The following MTUS1 variants were observed in gnomAD, a reference collection of about 807,000 sequenced individuals.
MTUS1 encodes microtubule-associated tumor suppressor 1.
MTUS1 carries 109 observed loss-of-function variants against 120.8 expected under a neutral mutation model. The ratio of observed to expected loss-of-function variants is 0.90; its 90% CI spans 0.77 to 1.06. MTUS1 has a LOEUF of 1.06. Among genes scored for constraint, MTUS1 ranks in the 50% least tolerant of loss-of-function variants. The pLI, the probability that MTUS1 is intolerant of heterozygous loss-of-function variation, is 0.00. For missense variants in MTUS1, 2,210 were observed against 1,486.3 expected (o/e 1.49, Z -8.01); for synonymous variants, 737 against 550.5 (o/e 1.34, Z -4.74).
intron 6 of MTUS1, among the ~76,000 whole-genome samples, chr8:17,693,581 A>T (rs1817382836): frequency 6.6e-6 from 1 of 152,204 alleles, no homozygotes; most frequent in African/African-American, 2.4e-5. Context: ...GCCCTTCCTC[A>T]AGCCCCTCAA....
chr8:17,777,876 G>T (rs1479555598), intron 1 of MTUS1, among the ~76,000 whole-genome samples: 2 of 151,318 alleles, frequency 1.3e-5, no homozygotes, highest in Admixed American at 6.5e-5. Flanking sequence ...GAAGGAATTA[G>T]AAAACCACAG....
chr8:17,756,538 G>T (rs1352102979), intron 1 of MTUS1, among the ~76,000 whole-genome samples: 1 of 150,628 alleles, frequency 6.6e-6, no homozygotes, highest in Admixed American at 6.6e-5. Flanking sequence ...TTTCCAAATT[G>T]AAGGGGAAAA....
upstream of MTUS1, chr8:17,801,467 G>A (rs886592650): frequency 6.6e-6 from 1 of 151,912 alleles, no homozygotes; most frequent in Non-Finnish European, 1.5e-5. Context: ...GTACCTCGGG[G>A]CGCTGGACTC....
chr8:17,769,416 C>T (rs1320551140), intron 1 of MTUS1, among the ~76,000 whole-genome samples: 7 of 148,442 alleles, frequency 4.7e-5, no homozygotes, highest in East Asian at 2.0e-4. Flanking sequence ...GGCGCGATCT[C>T]GGCTCACTGC....
Position 17,684,339 on chromosome 8 carries a change from G to A in MTUS1, c.2827C>T (p.Leu943=), listed in dbSNP as rs753365554. 5 of 1,613,774 alleles carry A rather than the reference G, an allele frequency of 3.1e-6. No individual in the cohort carries two copies. The highest frequency in any genetic ancestry group is 4.2e-6 in the Non-Finnish European group (5 of 1,179,776). ...FEALTVVIQH[L]LSEREEALKQ... ...ATGCACCTCCTTACCTCAGACAGCAGGTGCTGAATCACAACTGTCAATGCC... is the reference window on the plus strand; with the variant it reads ...ATGCACCTCCTTACCTCAGACAGCAAGTGCTGAATCACAACTGTCAATGCC... Residue 943 remains leucine, a synonymous_variant, in exon 7 of 15, where the codon CTG becomes TTG. Transcript: ENST00000693296.
At chr8:17,746,466 A>G (rs1160252553) in intron 2 of MTUS1, among the ~76,000 whole-genome samples, 5 of 152,292 alleles carry the variant, frequency 3.3e-5, no homozygotes, top group Admixed American at 3.3e-4. Context: ...AGGCTTCACA[A>G]TCATGGCAGA....
At chr8:17,648,427 T>C in intron 13 of MTUS1, among the ~76,000 whole-genome samples, 1 of 152,234 alleles carries the variant, frequency 6.6e-6, no homozygotes, top group African/African-American at 2.4e-5. Context: ...ACATGATTTT[T>C]TGAAAGTTTT....
intron 8 of MTUS1, among the ~76,000 whole-genome samples, chr8:17,657,286 A>AG (rs1193233266): frequency 6.6e-6 from 1 of 151,756 alleles, no homozygotes; most frequent in African/African-American, 2.4e-5. Context: ...TAAGAAGCTG[A>AG]GACCGGGCGC....
In MTUS1 at chr8:17,738,077, T is replaced by C. The variant is rs1029086803; in HGVS notation, c.2287+5527A>G. Reference sequence around the variant, plus strand: ...TCACTGCAAGTTTCGGACGGACTACTGTCTTGAAAGGAATTTACTTTATTA... The same window carrying C: ...TCACTGCAAGTTTCGGACGGACTACCGTCTTGAAAGGAATTTACTTTATTA... On this transcript the variant is annotated intron_variant, in intron 3 of 14. Coordinates refer to ENST00000693296, the MANE Select transcript of MTUS1 (RefSeq NM_001363059.2). Among the ~76,000 whole-genome samples, 4 of 152,224 alleles carry C rather than the reference T, an allele frequency of 2.6e-5. No individual in the cohort carries two copies. In the South Asian group the frequency reaches 6.2e-4, roughly 24 times the overall value.
At chr8:17,709,809 C>T (rs1269264825) in intron 6 of MTUS1, among the ~76,000 whole-genome samples, 1 of 151,902 alleles carries the variant, frequency 6.6e-6, no homozygotes, top group African/African-American at 2.4e-5. Context: ...GAGATGGAGA[C>T]CATCTGGCTA....
intron 6 of MTUS1, among the ~76,000 whole-genome samples, chr8:17,709,798 G>A (rs1820909204): frequency 6.6e-6 from 1 of 152,006 alleles, no homozygotes; most frequent in Admixed American, 6.6e-5. Flanking sequence ...CATGAAGTCA[G>A]GAGATGGAGA....
At chr8:17,796,481 T>C (rs149936352) in intron 1 of MTUS1, among the ~76,000 whole-genome samples, 1 of 152,332 alleles carries the variant, frequency 6.6e-6, no homozygotes, top group East Asian at 1.9e-4. Context: ...TCTAAACTTG[T>C]TGAGAAAACC....
chr8:17,774,465 G>A (rs892126428), intron 1 of MTUS1, among the ~76,000 whole-genome samples: 3 of 152,212 alleles, frequency 2.0e-5, no homozygotes, highest in Admixed American at 2.0e-4. Flanking sequence ...AGGAAGCGGA[G>A]GTGATGCCAC....
At position 17,755,334 on chromosome 8, in the gene MTUS1, G is replaced by C. The variant is rs757862341; in HGVS notation, c.474C>G (p.Asn158Lys). The C allele has an allele frequency of 6.2e-7, 1 of 1,614,022 alleles. No homozygotes were observed. The highest frequency in any genetic ancestry group is 8.5e-7 in the Non-Finnish European group (1 of 1,180,026). Residue 158 changes from asparagine (N) to lysine (K), a missense_variant, in exon 2 of 15, where the codon AAC (asparagine) becomes AAG (lysine). Asn to Lys is a moderately conservative substitution (Grantham distance 94, BLOSUM62 0). Coordinates refer to ENST00000693296, the MANE Select transcript of MTUS1 (RefSeq NM_001363059.2). ...TATCCACTGTCATGTCAAATGTTTG[G>C]TTTAGCTCCAAGGCATCACAGTAGC... ...CAGYCDALELNQTFDMTVDKV... is the reference protein window; with the variant it reads ...CAGYCDALELKQTFDMTVDKV...
chr8:17,745,018 T>C (rs557213207), intron 2 of MTUS1, among the ~76,000 whole-genome samples: 11 of 152,338 alleles, frequency 7.2e-5, no homozygotes, highest in African/African-American at 2.6e-4. Flanking sequence ...CCTAGGCACA[T>C]GTTCTGAGGA....
At chr8:17,717,867 G>A (rs986880121) in intron 4 of MTUS1, among the ~76,000 whole-genome samples, 17 of 151,896 alleles carry the variant, frequency 1.1e-4, no homozygotes, top group Non-Finnish European at 1.8e-4. Context: ...TTCATAACAC[G>A]CAACATGAAG....
rs2048578291 is a variant in MTUS1, at chr8:17,755,965, G to A, written c.-154-4C>T. The A allele has an allele frequency of 2.8e-6, 4 of 1,413,150 alleles. No homozygotes were observed. The highest frequency in any genetic ancestry group is 3.7e-6 in the Non-Finnish European group (4 of 1,089,726). 87.5% of individuals were successfully genotyped at this position (1,413,150 alleles called of 1,614,324 possible). ...AGATTAAATGATTTGTTGTTCCCTG[G>A]AAGAAATAAAATGTTTAACTCAAGT... On this transcript the variant is annotated splice_polypyrimidine_tract_variant and splice_region_variant and intron_variant, in intron 1 of 14. Transcript: ENST00000693296.
chr8:17,744,586 T>C (rs1222511244), intron 2 of MTUS1, among the ~76,000 whole-genome samples: 1 of 152,032 alleles, frequency 6.6e-6, no homozygotes, highest in Non-Finnish European at 1.5e-5. Flanking sequence ...ATCAATCTTT[T>C]TACTTTTAGT....
At chr8:17,669,926 T>TG (rs1434755882) in intron 8 of MTUS1, among the ~76,000 whole-genome samples, 2 of 152,182 alleles carry the variant, frequency 1.3e-5, no homozygotes, top group Non-Finnish European at 2.9e-5. Context: ...CAAGTGGAGT[T>TG]GGGGGCGCAG....
Sources: gnomAD v4.1 joint callset for allele counts (sites outside exome capture counted in the v4.1 genomes callset) on GRCh38, gnomAD v4.1.1 for gene constraint, MANE v1.5 for transcripts, NCBI Gene and HGNC (gene_info 2026-07-23, HGNC 2026-07-21) for gene names.